Variants in NUAK1 observed in about 807,000 individuals in gnomAD.
The protein encoded by NUAK1 is NUAK family kinase 1.
A neutral mutation model predicts 56.9 loss-of-function variants in NUAK1; 26 were observed. That is an observed-to-expected ratio of 0.46 (90% CI 0.33 to 0.63). NUAK1 has a LOEUF of 0.63. NUAK1 is among the 30% of genes least tolerant of loss of function. The pLI is 0.02. For synonymous variants in NUAK1, 337 were observed against 336.0 expected (o/e 1.00, Z -0.03); for missense variants, 727 against 876.1 (o/e 0.83, Z 2.15).
chr12:106,067,443 C>A lies in NUAK1; in HGVS notation c.1345G>T (p.Glu449Ter). The change falls in exon 7 of 7, where the codon GAG (glutamate) becomes TAG (stop). Residue 449 changes from glutamate to a stop codon, truncating the protein, a stop_gained. Coordinates refer to ENST00000261402, the MANE Select transcript of NUAK1 (RefSeq NM_014840.3). LOFTEE classifies it high-confidence loss of function. This position sits in a 1 kb window ranked among gnomAD's most constrained non-coding sequence, Gnocchi z 6.0. ...GVLLPSSPEA[E>*]VPGKLSPKQS... ...TTGGGGCTGAGTTTTCCCGGCACCT[C>A]TGCCTCTGGTGAGCTTGGGAGGAGC... 6.2e-7 allele frequency: 1 copy of A among 1,614,186 alleles called. No homozygotes were observed. The highest frequency in any genetic ancestry group is 8.5e-7 in the Non-Finnish European group (1 of 1,180,050).
chr12:106,111,218 A>C lies in NUAK1; in HGVS notation c.241-4693T>G, dbSNP rs1176190786. Reference sequence around the variant, plus strand: ...CAGCACACAGTATTCACTGAATGGCAGTGATTATAAACCACACTTAAGAGG... The same window carrying C: ...CAGCACACAGTATTCACTGAATGGCCGTGATTATAAACCACACTTAAGAGG... On this transcript the variant is annotated intron_variant, in intron 1 of 6. Transcript: ENST00000261402. Among the ~76,000 whole-genome samples the C allele has an allele frequency of 2.6e-5, 4 of 152,232 alleles. No homozygotes were observed. The East Asian group carries it at 7.7e-4, about 29-fold the overall frequency.
intron 1 of NUAK1, among the ~76,000 whole-genome samples, chr12:106,112,152 T>C (rs188969878): frequency 2.6e-5 from 4 of 152,122 alleles, no homozygotes; most frequent in Admixed American, 1.3e-4. Context: ...CAGTCATAAA[T>C]ATGGCATTAG....
rs2032360031 is a variant in NUAK1 at position 106,067,761 on chromosome 12, C to T, written c.1027G>A (p.Ala343Thr). ...CCCTTCATTTTGGCTTCGGTGTCAG[C>T]CTGCAGCCCTGTGGAACGGTGGTGC... is the stretch of plus-strand genomic sequence containing the variant. ...DWHHRSTGLQADTEAKMKGLA... is the reference protein window; with the variant it reads ...DWHHRSTGLQTDTEAKMKGLA... Residue 343 changes from alanine to threonine, a missense_variant, in exon 7 of 7, where the codon GCT becomes ACT. Ala to Thr is a moderately conservative substitution (Grantham distance 58, BLOSUM62 0). Transcript: ENST00000261402. The surrounding 1 kb of genome is among the most constrained non-coding windows in gnomAD (Gnocchi z 6.0). The T allele has an allele frequency of 1.2e-6, 2 of 1,614,194 alleles. No individual in the cohort carries two copies. The highest frequency in any genetic ancestry group is 2.2e-5 in the East Asian group (1 of 44,876).
At chr12:106,070,546 G>C (rs1340971775) in intron 6 of NUAK1, among the ~76,000 whole-genome samples, 1 of 152,212 alleles carries the variant, frequency 6.6e-6, no homozygotes, top group African/African-American at 2.4e-5. Context: ...GATCCACAAA[G>C]CAAGCAAACA....
chr12:106,138,759 G>T lies in NUAK1; in HGVS notation c.-106C>A. ...CCGCTGTACGCTCAAGGTCGCCCCC[G>T]CAGCATCAGGGAGGCGGCCCGATAC... On this transcript the variant is annotated 5_prime_UTR_variant, in exon 1 of 7. Transcript: ENST00000261402. The surrounding 1 kb of genome is among the most constrained non-coding windows in gnomAD (Gnocchi z 5.0). 7.2e-7 allele frequency: 1 copy of T among 1,388,368 alleles called. No homozygotes were observed. The highest frequency in any genetic ancestry group is 9.4e-7 in the Non-Finnish European group (1 of 1,068,694). The allele number at this position is 1,388,368 out of a possible 1,614,324, so 86.0% of individuals were successfully genotyped here.
Position 106,086,782 on chromosome 12 carries a change from G to C in NUAK1, c.465C>G (p.Thr155=). Residue 155 remains threonine, a synonymous_variant, in exon 3 of 7, where the codon ACC becomes ACG. Coordinates refer to ENST00000261402, the MANE Select transcript of NUAK1 (RefSeq NM_014840.3). ...SERRRLSERE[T]RHFFRQIVSA... is the part of the protein sequence containing the mutation. Reference sequence around the variant, plus strand: ...AGACGATCTGCCGGAAGAAGTGCCGGGTCTCCCTCTCACTGAGGCGTCGCC... The same window carrying C: ...AGACGATCTGCCGGAAGAAGTGCCGCGTCTCCCTCTCACTGAGGCGTCGCC... The C allele has an allele frequency of 6.2e-7, 1 of 1,614,108 alleles. No homozygotes were observed. Among genetic ancestry groups the C allele is most frequent in the Non-Finnish European group, 8.5e-7 (1 of 1,179,996 alleles).
chr12:106,075,176 G>C (rs1443697404), intron 4 of NUAK1, among the ~76,000 whole-genome samples: 1 of 152,050 alleles, frequency 6.6e-6, no homozygotes, highest in Non-Finnish European at 1.5e-5. Context: ...CTCACAGACT[G>C]ATGTTTATCA....
intron 1 of NUAK1, among the ~76,000 whole-genome samples, chr12:106,123,419 C>T (rs1391726893): frequency 5.9e-5 from 9 of 152,062 alleles, no homozygotes; most frequent in Non-Finnish European, 1.0e-4. Context: ...CTGGTGCCAC[C>T]GAGGGACTGA....
At chr12:106,082,096 T>C (rs1457874429) in intron 4 of NUAK1, among the ~76,000 whole-genome samples, 1 of 152,236 alleles carries the variant, frequency 6.6e-6, no homozygotes, top group Non-Finnish European at 1.5e-5. Context: ...TTGCTTTGAT[T>C]GTAGTATTGT....
Position 106,069,694 on chromosome 12 carries a change from C to T in NUAK1, c.832+1080G>A, listed in dbSNP as rs577555635. On this transcript the variant is annotated intron_variant, in intron 6 of 6. Coordinates refer to ENST00000261402, the MANE Select transcript of NUAK1 (RefSeq NM_014840.3). ...CCTAACCCTCTATTTCCCCTAAGAG[C>T]AATGGTTCAATATTCACAAATTCAG... Among the ~76,000 whole-genome samples the T allele has an allele frequency of 2.6e-5, 4 of 152,242 alleles. No homozygotes were observed. The South Asian group carries it at 8.3e-4, about 32-fold the overall frequency.
intron 3 of NUAK1, among the ~76,000 whole-genome samples, chr12:106,086,294 A>G (rs1166106735): frequency 6.6e-6 from 1 of 152,212 alleles, no homozygotes; most frequent in Non-Finnish European, 1.5e-5. Context: ...GACACAAACG[A>G]TGTAAAAATG....
In NUAK1 at chr12:106,067,165, G is replaced by A. The variant is rs2032350559; in HGVS notation, c.1623C>T (p.Val541=). 1.2e-6 allele frequency: 2 copies of A among 1,614,046 alleles called. No individual in the cohort carries two copies. ...YSAGTMDPAL[V]SPEMPTLESL... ...ATTCCAGTGTGGGCATTTCAGGGCT[G>A]ACCAGGGCTGGGTCCATGGTGCCCG... The change falls in exon 7 of 7, where the codon GTC becomes GTT. Residue 541 remains valine (V), a synonymous_variant. Coordinates refer to ENST00000261402, the MANE Select transcript of NUAK1 (RefSeq NM_014840.3). The surrounding 1 kb of genome is among the most constrained non-coding windows in gnomAD (Gnocchi z 6.0).
At position 106,138,899 on chromosome 12, in the gene NUAK1, A is replaced by AGGTGGCGGCGGTGGC. The variant is rs1177849023; in HGVS notation, c.-261_-247dup. The AGGTGGCGGCGGTGGC allele has an allele frequency of 7.4e-6, 3 of 405,672 alleles. No homozygotes were observed. Among genetic ancestry groups the AGGTGGCGGCGGTGGC allele is most frequent in the East Asian group, 8.4e-5 (2 of 23,718 alleles). 25.1% of individuals were successfully genotyped at this position (405,672 alleles called of 1,614,324 possible). On this transcript the variant is annotated 5_prime_UTR_variant, in exon 1 of 7. Coordinates refer to ENST00000261402, the MANE Select transcript of NUAK1 (RefSeq NM_014840.3). This position sits in a 1 kb window ranked among gnomAD's most constrained non-coding sequence, Gnocchi z 5.0. ...GCGGCGAGCTGTGGAGCGTCGGGCG[A>AGGTGGCGGCGGTGGC]GGTGGCGGCGGTGGCAGGGGAGGCG...
chr12:106,100,564 A>T (rs1417603105), intron 2 of NUAK1, among the ~76,000 whole-genome samples: 2 of 152,324 alleles, frequency 1.3e-5, no homozygotes, highest in South Asian at 2.1e-4. Context: ...CCTCTCTTTA[A>T]TGGCAGTTCC....
At chr12:106,086,665 T>A in intron 3 of NUAK1, 69 bp downstream of exon 3, 5 of 1,505,798 alleles carry the variant, frequency 3.3e-6, no homozygotes, top group Non-Finnish European at 4.5e-6. Flanking sequence ...ACTTTTATAA[T>A]AGGAAAAAAA....
intron 1 of NUAK1, among the ~76,000 whole-genome samples, chr12:106,121,450 G>T (rs1246724997): frequency 5.9e-5 from 9 of 152,096 alleles, no homozygotes; most frequent in Admixed American, 5.9e-4. Context: ...CTTTCTAAGT[G>T]GTTAAAAAAG....
At chr12:106,112,179 C>T (rs1443789829) in intron 1 of NUAK1, among the ~76,000 whole-genome samples, 1 of 152,092 alleles carries the variant, frequency 6.6e-6, no homozygotes, top group African/African-American at 2.4e-5. Context: ...TTAGTGAGAA[C>T]AAGTTTGCAT....
In NUAK1 at chr12:106,066,631, A is replaced by G. The variant is rs2032341673; in HGVS notation, c.*171T>C. 1 of 661,952 alleles carries G rather than the reference A, an allele frequency of 1.5e-6. No individual in the cohort carries two copies. The highest frequency in any genetic ancestry group is 2.6e-5 in the East Asian group (1 of 39,144). 41.0% of individuals were successfully genotyped at this position (661,952 alleles called of 1,614,324 possible). A position where few individuals can be genotyped will look rare whatever the true frequency, so the allele number is the denominator to read the frequency against. ...ATTGACAGAACTGGCAGAAGAGCCC[A>G]CCTCTCCCTTTTAGGTGTTGGCTCA... is the stretch of plus-strand genomic sequence containing the variant. On this transcript the variant is annotated 3_prime_UTR_variant, in exon 7 of 7. Coordinates refer to ENST00000261402, the MANE Select transcript of NUAK1 (RefSeq NM_014840.3).
At chr12:106,083,759 G>A (rs1482614314) in intron 4 of NUAK1, 105 bp downstream of exon 4, 2 of 912,812 alleles carry the variant, frequency 2.2e-6, no homozygotes, top group Non-Finnish European at 3.6e-6. Flanking sequence ...CTGCCAGGTA[G>A]GAAGTGGCTG....
Sources: allele counts gnomAD v4.1 joint callset (sites outside exome capture counted in the v4.1 genomes callset), GRCh38; gene constraint gnomAD v4.1.1; non-coding constraint Gnocchi (gnomAD v3.1); transcripts MANE v1.5; gene names NCBI Gene and HGNC (gene_info 2026-07-23, HGNC 2026-07-21).